Variants in AVEN observed in about 807,000 individuals in gnomAD.
The protein encoded by AVEN is apoptosis and caspase activation inhibitor, also known as cell death regulator Aven.
A neutral mutation model predicts 38.1 loss-of-function variants in AVEN; 41 were observed. The observed-to-expected ratio is 1.08, with a 90% CI of 0.84 to 1.40. The LOEUF (loss-of-function observed/expected upper bound fraction) is 1.40. Among genes scored for constraint, AVEN ranks in the 40% most tolerant of loss-of-function variants. The pLI is 0.00. For synonymous variants in AVEN, 206 were observed against 171.8 expected, an observed-to-expected ratio of 1.20 and a Z score of -1.56; for missense variants, 605 against 438.8, an observed-to-expected ratio of 1.38 and a Z score of -3.38.
chr15:34,056,282 G>A (rs1161061148), intron 5 of AVEN, among the ~76,000 whole-genome samples: 1 of 152,212 alleles, frequency 6.6e-6, no homozygotes, highest in Non-Finnish European at 1.5e-5. Context: ...GGGGCCCAGA[G>A]AGAATACATG....
chr15:33,859,853 A>T, intron 11 of AVEN: 2 of 1,114,268 alleles, frequency 1.8e-6, no homozygotes, highest in East Asian at 2.6e-5. Flanking sequence ...TTAATTTAGC[A>T]AGAACTAATT....
intron 2 of AVEN, among the ~76,000 whole-genome samples, chr15:33,903,518 T>G (rs1379742187): frequency 6.6e-6 from 1 of 152,252 alleles, no homozygotes; most frequent in Non-Finnish European, 1.5e-5. Context: ...AGACCCTGAT[T>G]GATACAGCAT....
intron 1 of AVEN, among the ~76,000 whole-genome samples, chr15:34,008,981 A>G (rs1320797559): frequency 1.4e-5 from 2 of 138,554 alleles, no homozygotes; most frequent in East Asian, 4.4e-4. Context: ...CACACAGACC[A>G]TCGAGAAAAC....
At chr15:33,935,622 C>A (rs1894030885) in intron 2 of AVEN, among the ~76,000 whole-genome samples, 1 of 151,900 alleles carries the variant, frequency 6.6e-6, no homozygotes, top group Non-Finnish European at 1.5e-5. Flanking sequence ...CATTAGTCTA[C>A]TTTCTTTTTG....
Position 33,867,681 on chromosome 15 carries a change from C to G in AVEN, c.787G>C (p.Gly263Arg). 1 of 1,614,102 alleles carries G rather than the reference C, an allele frequency of 6.2e-7. No homozygotes were observed. Among genetic ancestry groups the G allele is most frequent in the Admixed American group, 1.7e-5 (1 of 60,016 alleles). The change falls in exon 5 of 6, where the codon GGT becomes CGT. Residue 263 changes from glycine (G) to arginine (R), a missense_variant. Gly to Arg is a moderately radical substitution (Grantham distance 125). Coordinates refer to ENST00000306730, the MANE Select transcript of AVEN (RefSeq NM_020371.3). Reference protein sequence around the residue: ...VLLGKDNPSPGPSRDSQKPTS... With the variant: ...VLLGKDNPSPRPSRDSQKPTS... Reference sequence around the variant, plus strand: ...GGTTTCTGAGAATCCCTTGAAGGACCCGGGCTTGGGTTGTCTTTGCCCAGC... The same window carrying G: ...GGTTTCTGAGAATCCCTTGAAGGACGCGGGCTTGGGTTGTCTTTGCCCAGC...
intron 2 of AVEN, among the ~76,000 whole-genome samples, chr15:33,889,299 T>C (rs543971594): frequency 6.6e-6 from 1 of 152,304 alleles, no homozygotes; most frequent in Non-Finnish European, 1.5e-5. Context: ...AGTCTTTTAA[T>C]CTCTGTCAGT....
chr15:34,054,111 A>G (rs2140832661), intron 5 of AVEN, among the ~76,000 whole-genome samples: 1 of 152,348 alleles, frequency 6.6e-6, no homozygotes, highest in Middle Eastern at 3.4e-3. Context: ...AGAAATGCAA[A>G]TCAAAAACAC....
intron 2 of AVEN, among the ~76,000 whole-genome samples, chr15:33,986,804 G>C (rs1896494452): frequency 6.6e-6 from 1 of 151,424 alleles, no homozygotes; most frequent in South Asian, 2.2e-4. Flanking sequence ...CTACAGGCAC[G>C]TGCCACCATG....
intron 2 of AVEN, chr15:33,968,668 G>C (rs990622674): frequency 1.3e-5 from 2 of 152,128 alleles, no homozygotes; most frequent in Non-Finnish European, 2.9e-5. Context: ...GGACTGAAAA[G>C]TTCGTATGGA....
At position 33,904,694 on chromosome 15, in the gene AVEN, A is replaced by AAT. The variant is rs1223406628; in HGVS notation, c.446-28701_446-28700dup. ...GAGACTGTTTCTTTAAAAAAAAAAA[A>AAT]ATATATATATATATATATATATACA... On this transcript the variant is annotated intron_variant, in intron 2 of 5. Transcript: ENST00000306730. Among the ~76,000 whole-genome samples, 234 of 112,744 alleles carry AAT rather than the reference A, an allele frequency of 2.1e-3. 2 individuals carry two copies. The highest frequency in any genetic ancestry group is 6.2e-3 in the African/African-American group (214 of 34,348). 74.0% of individuals were successfully genotyped at this position (112,744 alleles called of 152,430 possible).
At chr15:33,875,059 GT>G (rs1891162598) in intron 3 of AVEN, among the ~76,000 whole-genome samples, 1 of 152,058 alleles carries the variant, frequency 6.6e-6, no homozygotes, top group Admixed American at 6.6e-5. Flanking sequence ...TCCCCTCCTC[GT>G]AATCCGTATG....
At chr15:33,928,836 G>C (rs1893731165) in intron 2 of AVEN, among the ~76,000 whole-genome samples, 2 of 152,232 alleles carry the variant, frequency 1.3e-5, no homozygotes, top group South Asian at 4.1e-4. Context: ...GTCTTCAAAA[G>C]GCACCTGCCT....
intron 2 of AVEN, among the ~76,000 whole-genome samples, chr15:33,895,581 T>A (rs537381259): frequency 6.6e-6 from 1 of 152,130 alleles, no homozygotes; most frequent in East Asian, 1.9e-4. Context: ...CACCTCAGCC[T>A]CCCAAAGTGC....
chr15:33,903,233 TACAA>T (rs1177855431), intron 2 of AVEN, among the ~76,000 whole-genome samples: 3 of 152,198 alleles, frequency 2.0e-5, no homozygotes, highest in Non-Finnish European at 2.9e-5. Flanking sequence ...TGGTGGCAAC[TACAA>T]ACAGTTTATA....
chr15:34,029,067 C>T (rs544200328), intron 1 of AVEN, among the ~76,000 whole-genome samples: 2 of 152,210 alleles, frequency 1.3e-5, no homozygotes, highest in Non-Finnish European at 2.9e-5. Context: ...TTCAGAGATT[C>T]CCCTCTGCAG....
intron 5 of AVEN, among the ~76,000 whole-genome samples, chr15:34,055,008 C>T (rs1209478671): frequency 6.6e-6 from 1 of 152,174 alleles, no homozygotes; most frequent in African/African-American, 2.4e-5. Context: ...GCCTGACCAA[C>T]ATGGAGAAAC....
At chr15:33,877,186 G>C (rs1471936256) in intron 2 of AVEN, among the ~76,000 whole-genome samples, 1 of 152,070 alleles carries the variant, frequency 6.6e-6, no homozygotes, top group African/African-American at 2.4e-5. Flanking sequence ...ACAGAGTTGT[G>C]GGTTGTTTTT....
intron 2 of AVEN, among the ~76,000 whole-genome samples, chr15:33,921,251 T>C (rs1043052263): frequency 3.3e-5 from 5 of 152,360 alleles, no homozygotes; most frequent in East Asian, 1.9e-4. Flanking sequence ...TTCTCAGTAC[T>C]GCACCTAAGC....
downstream of AVEN, chr15:33,865,073 TGGGTTTTAG>T: frequency 7.2e-7 from 1 of 1,379,784 alleles, no homozygotes; most frequent in East Asian, 2.3e-5. Flanking sequence ...AAAAACAAAC[TGGGTTTTAG>T]CTTTTACTGT....
Sources: gnomAD v4.1 joint callset for allele counts (sites outside exome capture counted in the v4.1 genomes callset) on GRCh38, gnomAD v4.1.1 for gene constraint, MANE v1.5 for transcripts, NCBI Gene and HGNC (gene_info 2026-07-23, HGNC 2026-07-21) for gene names.